The following FAM149B1 variants were observed in gnomAD, a reference collection of about 807,000 sequenced individuals.
FAM149B1 encodes the protein primary cilium assembly protein FAM149B1.
A neutral mutation model predicts 75.3 loss-of-function variants in FAM149B1; 56 were observed. The ratio of observed to expected loss-of-function variants is 0.74; its 90% confidence interval spans 0.60 to 0.93. The LOEUF is 0.93. Among genes scored for constraint, FAM149B1 ranks in the 40% least tolerant of loss-of-function variants. The probability of loss-of-function intolerance (pLI) is 0.00; values close to 1 mark genes in which losing one functional copy is unlikely to be tolerated. For missense variants in FAM149B1, 639 were observed against 708.4 expected (o/e 0.90, Z 1.11); for synonymous variants, 259 against 256.1 (o/e 1.01, Z -0.11).
intron 2 of FAM149B1, among the ~76,000 whole-genome samples, chr10:73,177,434 T>A (rs542904580): frequency 1.4e-5 from 2 of 147,506 alleles, no homozygotes; most frequent in East Asian, 4.2e-4. Flanking sequence ...ATGAGCTGGG[T>A]GTGGTGGTGC....
At chr10:73,221,263 TTA>T (rs1462342912) in intron 7 of FAM149B1, among the ~76,000 whole-genome samples, 10 of 152,144 alleles carry the variant, frequency 6.6e-5, no homozygotes, top group Non-Finnish European at 1.3e-4. Context: ...ATGATGAATT[TTA>T]TGTTATATGA....
chr10:73,209,109 G>C (rs2043130660), intron 6 of FAM149B1, among the ~76,000 whole-genome samples: 2 of 152,138 alleles, frequency 1.3e-5, no homozygotes, highest in South Asian at 4.1e-4. Context: ...TTTTAAAAGA[G>C]CAGTTGAAGA....
chr10:73,232,949 G>A lies in FAM149B1; in HGVS notation c.1138G>A (p.Asp380Asn). The change falls in exon 10 of 14, where the codon GAC (aspartate) becomes AAC (asparagine). Residue 380 changes from aspartate to asparagine, a missense_variant. Coordinates refer to ENST00000242505, the MANE Select transcript of FAM149B1 (RefSeq NM_173348.2). ...SLMDKLLDLDDKLLMRPGSST... is the reference protein window; with the variant it reads ...SLMDKLLDLDNKLLMRPGSST... ...TGATTTGGCTACTAGAGATCTTGAT[G>A]ACAAGCTACTTATGAGGCCTGGGTC... The A allele has an allele frequency of 6.5e-7, 1 of 1,546,954 alleles. No individual in the cohort carries two copies. The highest frequency in any genetic ancestry group is 2.4e-5 in the East Asian group (1 of 40,900).
intron 9 of FAM149B1, among the ~76,000 whole-genome samples, chr10:73,232,489 G>A (rs2043729256): frequency 6.6e-6 from 1 of 152,204 alleles, no homozygotes; most frequent in African/African-American, 2.4e-5. Flanking sequence ...CCACACTGGT[G>A]CCACAACTGC....
chr10:73,191,582 C>G (rs756982971), intron 3 of FAM149B1, among the ~76,000 whole-genome samples: 28 of 151,880 alleles, frequency 1.8e-4, no homozygotes, highest in Non-Finnish European at 1.8e-4. Context: ...AGGTGATCCA[C>G]CCCACCTTGG....
intron 7 of FAM149B1, among the ~76,000 whole-genome samples, chr10:73,214,100 CT>C (rs2043246138): frequency 6.6e-6 from 1 of 152,126 alleles, no homozygotes; most frequent in African/African-American, 2.4e-5. Context: ...GAGTTGCCTT[CT>C]TGATTTGGTC....
intron 3 of FAM149B1, among the ~76,000 whole-genome samples, chr10:73,184,276 G>T (rs2042467745): frequency 6.6e-6 from 1 of 152,086 alleles, no homozygotes. Flanking sequence ...CAATTCATCA[G>T]GAAAATATAG....
chr10:73,179,578 TA>T (rs954842642), intron 3 of FAM149B1, among the ~76,000 whole-genome samples: 1 of 150,918 alleles, frequency 6.6e-6, no homozygotes. Flanking sequence ...CACACCCTGC[TA>T]TTTTTTTTTT....
chr10:73,235,555 G>C (rs2043802665), intron 12 of FAM149B1: 1 of 850,848 alleles, frequency 1.2e-6, no homozygotes, highest in Non-Finnish European at 1.7e-6. Context: ...TAACACTTAA[G>C]ATATGTCTGA....
At position 73,174,729 on chromosome 10, in the gene FAM149B1, A is replaced by C; in HGVS notation, c.90A>C (p.Pro30=). Residue 30 remains proline, a synonymous_variant, in exon 2 of 14, where the codon CCA becomes CCC. Transcript: ENST00000242505. ...ATGCTCTTAACCATCATCCCCCTCC[A>C]GAGAAGCTGGAGGAAATTTCCCCCA... The part of the protein sequence containing the change: ...TKHALNHHPP[P]EKLEEISPTS... 1 of 1,551,536 alleles carries C rather than the reference A, an allele frequency of 6.4e-7. No homozygotes were observed. Among genetic ancestry groups the C allele is most frequent in the Non-Finnish European group, 8.7e-7 (1 of 1,146,868 alleles).
chr10:73,221,817 T>A (rs963372479), intron 7 of FAM149B1, among the ~76,000 whole-genome samples: 26 of 152,232 alleles, frequency 1.7e-4, no homozygotes, highest in African/African-American at 3.9e-4. Context: ...TTTAAAAAAA[T>A]TTTTTTTGTA....
intron 3 of FAM149B1, among the ~76,000 whole-genome samples, chr10:73,186,726 A>G (rs2042531337): frequency 6.6e-6 from 1 of 152,264 alleles, no homozygotes. Flanking sequence ...GTTCCGATAC[A>G]TGTTACAACT....
intron 5 of FAM149B1, among the ~76,000 whole-genome samples, chr10:73,205,963 T>G (rs2043044958): frequency 6.6e-6 from 1 of 152,120 alleles, no homozygotes; most frequent in Non-Finnish European, 1.5e-5. Flanking sequence ...TGAAACTGGG[T>G]AATGGGCAGA....
At chr10:73,199,304 G>GC (rs1214197893) in intron 5 of FAM149B1, among the ~76,000 whole-genome samples, 3 of 151,736 alleles carry the variant, frequency 2.0e-5, no homozygotes, top group East Asian at 1.9e-4. Context: ...TGCAAGCTCC[G>GC]CCCCCCAGGT....
intron 13 of FAM149B1, among the ~76,000 whole-genome samples, chr10:73,240,516 T>A (rs558006667): frequency 1.3e-5 from 2 of 152,056 alleles, no homozygotes; most frequent in Non-Finnish European, 2.9e-5. Context: ...ATTGAGACCA[T>A]CCTGGCTAAC....
chr10:73,181,182 A>T (rs57190452), intron 3 of FAM149B1, among the ~76,000 whole-genome samples: 23,865 of 150,918 alleles, frequency 0.16, 3,121 homozygotes, highest in African/African-American at 0.34. Flanking sequence ...AATTTTTTGT[A>T]TTTTTTTTAG....
chr10:73,193,653 C>T, intron 5 of FAM149B1, 60 bp downstream of exon 5: 3 of 1,486,276 alleles, frequency 2.0e-6, no homozygotes, highest in South Asian at 2.5e-5. Context: ...TTATGTCCTA[C>T]CAGTTGTATT....
At chr10:73,193,614 G>A (rs780001059) in intron 5 of FAM149B1, 21 bp downstream of exon 5, 2 of 1,546,570 alleles carry the variant, frequency 1.3e-6, no homozygotes, top group Admixed American at 4.0e-5. Flanking sequence ...CATTATGTAA[G>A]TACTTCAATG....
intron 5 of FAM149B1, 77 bp from the exon 6 acceptor site, chr10:73,208,542 A>G (rs2043117655): frequency 9.0e-7 from 1 of 1,107,092 alleles, no homozygotes; most frequent in Middle Eastern, 3.1e-4. Flanking sequence ...GTTTGAGCCA[A>G]AACTCATGTA....
Sources: allele counts gnomAD v4.1 joint callset (sites outside exome capture counted in the v4.1 genomes callset), GRCh38; gene constraint gnomAD v4.1.1; transcripts MANE v1.5; gene names NCBI Gene and HGNC (gene_info 2026-07-23, HGNC 2026-07-21).